The following DAB1 variants were observed in gnomAD, a reference collection of about 807,000 sequenced individuals.
DAB1 encodes DAB adaptor protein 1.
In DAB1, 15 loss-of-function variants were observed where a neutral mutation model predicts 64.6. The observed-to-expected ratio is 0.23, with a 90% confidence interval of 0.16 to 0.36. DAB1 has a LOEUF of 0.36. Ranked by LOEUF, DAB1 falls within the 10% of genes least tolerant of loss-of-function variation. The pLI, the probability that DAB1 is intolerant of heterozygous loss-of-function variation, is 1.00. For missense variants in DAB1, 596 were observed against 706.7 expected (o/e 0.84, Z 1.78); for synonymous variants, 235 against 251.9 (o/e 0.93, Z 0.64).
At chr1:58,215,645 T>C (rs1658813015) in intron 4 of DAB1, among the ~76,000 whole-genome samples, 1 of 152,162 alleles carries the variant, frequency 6.6e-6, no homozygotes, top group African/African-American at 2.4e-5. Flanking sequence ...TTCTGCCATC[T>C]CTATCTGGCC....
chr1:58,539,343 G>T (rs1482963600), intron 1 of DAB1: 1 of 763,404 alleles, frequency 1.3e-6, no homozygotes, highest in Admixed American at 2.4e-5. Context: ...AATATCTGTG[G>T]AAAATATTTA....
intron 1 of DAB1, among the ~76,000 whole-genome samples, chr1:57,400,461 T>C (rs1224889401): frequency 6.6e-6 from 1 of 151,882 alleles, no homozygotes; most frequent in Non-Finnish European, 1.5e-5. Flanking sequence ...AAGTGCAAAG[T>C]AGATGGTTCT....
At chr1:57,117,395 G>A (rs996573712) in intron 4 of DAB1, among the ~76,000 whole-genome samples, 1 of 152,188 alleles carries the variant, frequency 6.6e-6, no homozygotes, top group African/African-American at 2.4e-5. Flanking sequence ...GAATTAAGAT[G>A]AAGCTACTCA....
At chr1:58,368,923 G>A (rs542523826) in intron 3 of DAB1, among the ~76,000 whole-genome samples, 1 of 152,234 alleles carries the variant, frequency 6.6e-6, no homozygotes, top group South Asian at 2.1e-4. Flanking sequence ...GTTACTTGGG[G>A]GGCTGAAGGA....
intron 6 of DAB1, among the ~76,000 whole-genome samples, chr1:57,737,878 A>G (rs1647773920): frequency 6.6e-6 from 1 of 152,190 alleles, no homozygotes; most frequent in African/African-American, 2.4e-5. Context: ...AATTACAAAC[A>G]TCTGCCCCCC....
chr1:57,498,866 GT>G (rs1644258781), intron 7 of DAB1, among the ~76,000 whole-genome samples: 1 of 152,208 alleles, frequency 6.6e-6, no homozygotes, highest in Non-Finnish European at 1.5e-5. Context: ...CAAAAGACAT[GT>G]TTCAAAGGCT....
At chr1:58,031,989 CGTGTGTGTGTGTGTGTGTGTGTGT>C (rs59449665) in intron 5 of DAB1, among the ~76,000 whole-genome samples, 50,630 of 141,946 alleles carry the variant, frequency 0.36, 9,935 homozygotes, top group Non-Finnish European at 0.45. Flanking sequence ...CTGATAGAAA[CGTGTGTGTGTGTGTGTGTGTGTGT>C]GTGTGTGTGT....
intron 3 of DAB1, among the ~76,000 whole-genome samples, chr1:58,354,929 C>T (rs1226852873): frequency 6.6e-6 from 1 of 152,184 alleles, no homozygotes; most frequent in Non-Finnish European, 1.5e-5. Context: ...AGACTCTGTG[C>T]TCCAATCTTC....
intron 3 of DAB1, among the ~76,000 whole-genome samples, chr1:58,406,717 C>A (rs985103653): frequency 3.6e-5 from 5 of 137,602 alleles, no homozygotes; most frequent in East Asian, 2.1e-4. Context: ...CATCCCCCCC[C>A]CCCAACTGCC....
At chr1:58,065,085 C>T (rs1648772519) in intron 5 of DAB1, among the ~76,000 whole-genome samples, 1 of 152,182 alleles carries the variant, frequency 6.6e-6, no homozygotes, top group South Asian at 2.1e-4. Context: ...TATATTATCT[C>T]ATTTTATCCT....
chr1:57,467,114 G>C (rs1275291510), intron 7 of DAB1, among the ~76,000 whole-genome samples: 1 of 152,110 alleles, frequency 6.6e-6, no homozygotes, highest in Non-Finnish European at 1.5e-5. Context: ...ACTACCCAGG[G>C]TATCAAATTC....
chr1:57,592,409 C>G (rs991365142), intron 7 of DAB1, among the ~76,000 whole-genome samples: 10 of 151,862 alleles, frequency 6.6e-5, no homozygotes, highest in Admixed American at 2.0e-4. Context: ...GCAGGGTGCC[C>G]CCATTTGAAA....
intron 3 of DAB1, among the ~76,000 whole-genome samples, chr1:58,486,204 C>G (rs1419262756): frequency 6.6e-6 from 1 of 152,184 alleles, no homozygotes; most frequent in African/African-American, 2.4e-5. Flanking sequence ...AAGAAGACAG[C>G]AGGACCTTAC....
chr1:57,076,714 GA>G (rs1230754544), intron 4 of DAB1, among the ~76,000 whole-genome samples: 5 of 152,186 alleles, frequency 3.3e-5, no homozygotes, highest in African/African-American at 1.2e-4. Context: ...ACCTATGACG[GA>G]AGGCATAGCT....
chr1:57,888,339 T>G (rs2101978743), upstream of DAB1, among the ~76,000 whole-genome samples: 2 of 152,268 alleles, frequency 1.3e-5, no homozygotes, highest in Middle Eastern at 6.8e-3. Flanking sequence ...GAAACCTACT[T>G]ATACTCCCCA....
chr1:57,100,882 G>C (rs1258550686), intron 4 of DAB1, among the ~76,000 whole-genome samples: 1 of 152,044 alleles, frequency 6.6e-6, no homozygotes, highest in Non-Finnish European at 1.5e-5. Context: ...AAAGCAGAAG[G>C]TAAATCATGA....
intron 6 of DAB1, among the ~76,000 whole-genome samples, chr1:57,693,093 G>T (rs1329852281): frequency 1.3e-5 from 2 of 152,118 alleles, no homozygotes; most frequent in African/African-American, 4.8e-5. Flanking sequence ...AACCCCAAAT[G>T]AGCTCAACTA....
chr1:57,804,298 A>T (rs1304342186), intron 6 of DAB1, among the ~76,000 whole-genome samples: 1 of 152,106 alleles, frequency 6.6e-6, no homozygotes, highest in Admixed American at 6.5e-5. Flanking sequence ...GATTATCTCA[A>T]ACTTCCTTCT....
intron 5 of DAB1, among the ~76,000 whole-genome samples, chr1:57,949,571 A>G (rs1367427004): frequency 6.6e-6 from 1 of 151,850 alleles, no homozygotes; most frequent in South Asian, 2.1e-4. Flanking sequence ...CACACAATAT[A>G]TATATATAAT....
Sources: gnomAD v4.1 joint callset for allele counts (sites outside exome capture counted in the v4.1 genomes callset) on GRCh38, gnomAD v4.1.1 for gene constraint, MANE v1.5 for transcripts, NCBI Gene and HGNC (gene_info 2026-07-23, HGNC 2026-07-21) for gene names.